The following ADGRL3 variants were observed in gnomAD, a reference collection of about 807,000 sequenced individuals.
ADGRL3 encodes the protein adhesion G protein-coupled receptor L3.
Under a neutral mutation model 153.5 loss-of-function variants are expected in ADGRL3, and 62 were observed. The ratio of observed to expected loss-of-function variants is 0.40; its 90% CI spans 0.33 to 0.50. The LOEUF is 0.50. Ranked by LOEUF, ADGRL3 falls within the 20% of genes least tolerant of loss-of-function variation. The probability of loss-of-function intolerance (pLI) is 0.47; values close to 1 mark genes in which losing one functional copy is unlikely to be tolerated. For missense variants in ADGRL3, 1,641 were observed against 1,859.4 expected (o/e 0.88, Z 2.16); for synonymous variants, 710 against 672.5 (o/e 1.06, Z -0.86).
intron 5 of ADGRL3, among the ~76,000 whole-genome samples, chr4:61,617,567 A>T (rs748407269): frequency 1.4e-4 from 21 of 152,300 alleles, no homozygotes; most frequent in Non-Finnish European, 2.5e-4. Context: ...TCCTGTAAGA[A>T]AAACACCTCT....
rs181350839 is a variant in ADGRL3 at position 61,512,695 on chromosome 4, A to T, written c.56-4620A>T. On this transcript the variant is annotated intron_variant, in intron 3 of 26. Coordinates refer to ENST00000683033, the MANE Select transcript of ADGRL3 (RefSeq NM_001387552.1). Reference sequence around the variant, plus strand: ...TTATGAAATGTGATTATCATTTTATATAGAGATAGAGAACTGTTTGGTAAA... The same window carrying T: ...TTATGAAATGTGATTATCATTTTATTTAGAGATAGAGAACTGTTTGGTAAA... 4.6e-5 allele frequency among the ~76,000 whole-genome samples: 7 copies of T among 152,268 alleles called. No homozygotes were observed. In the East Asian group the frequency reaches 1.2e-3, roughly 25 times the overall value.
chr4:61,899,267 C>G (rs1235277406), intron 11 of ADGRL3, among the ~76,000 whole-genome samples: 2 of 151,820 alleles, frequency 1.3e-5, no homozygotes, highest in Non-Finnish European at 2.9e-5. Flanking sequence ...TGCCCTTCAC[C>G]TCCCCTCTCC....
intron 2 of ADGRL3, among the ~76,000 whole-genome samples, chr4:61,391,766 A>AT (rs1011730479): frequency 1.0e-4 from 15 of 149,060 alleles, no homozygotes; most frequent in African/African-American, 3.0e-4. Context: ...GATTTTGTTA[A>AT]TTTTTTTAAC....
In ADGRL3 at chr4:61,944,936, C is replaced by T. The variant is rs1344884334; in HGVS notation, c.2420-1978C>T. Among the ~76,000 whole-genome samples the T allele has an allele frequency of 8.0e-5, 7 of 87,744 alleles. 2 individuals are homozygous for T. The South Asian group carries it at 4.2e-3, about 53-fold the overall frequency. The allele number at this position is 87,744 out of a possible 152,430, so 57.6% of individuals were successfully genotyped here. On this transcript the variant is annotated intron_variant, in intron 15 of 26. Coordinates refer to ENST00000683033, the MANE Select transcript of ADGRL3 (RefSeq NM_001387552.1). ...CGTCTGAAGCCTTCTTCTCTCAGCT[C>T]GTCAAAATCATTCTCCATCCAGCTT...
intron 6 of ADGRL3, among the ~76,000 whole-genome samples, chr4:61,711,144 A>G (rs914916916): frequency 1.7e-4 from 26 of 152,244 alleles, no homozygotes; most frequent in Non-Finnish European, 4.4e-5. Context: ...CTAATTGGAA[A>G]TACCATTTTG....
intron 2 of ADGRL3, among the ~76,000 whole-genome samples, chr4:61,490,406 A>C (rs1415730075): frequency 6.6e-6 from 1 of 151,886 alleles, no homozygotes; most frequent in Non-Finnish European, 1.5e-5. Flanking sequence ...TCTTTAATGC[A>C]GGAATTATGC....
At chr4:62,036,244 T>C (rs1445831705) in intron 23 of ADGRL3, among the ~76,000 whole-genome samples, 1 of 152,056 alleles carries the variant, frequency 6.6e-6, no homozygotes, top group Non-Finnish European at 1.5e-5. Flanking sequence ...TTCATTCTAT[T>C]CTTTATGGTG....
At chr4:61,267,440 A>G (rs984103088) in intron 1 of ADGRL3, among the ~76,000 whole-genome samples, 2 of 151,684 alleles carry the variant, frequency 1.3e-5, no homozygotes, top group Non-Finnish European at 3.0e-5. Context: ...TTCCACTACC[A>G]TGCTATATCA....
At chr4:61,203,008 C>T (rs1395043507) in intron 1 of ADGRL3, among the ~76,000 whole-genome samples, 4 of 152,320 alleles carry the variant, frequency 2.6e-5, no homozygotes, top group Non-Finnish European at 5.9e-5. Flanking sequence ...GGAAACCTTG[C>T]CGTGTCCCCT....
At chr4:61,419,295 C>T (rs2097176407) in intron 2 of ADGRL3, among the ~76,000 whole-genome samples, 1 of 150,834 alleles carries the variant, frequency 6.6e-6, no homozygotes, top group Non-Finnish European at 1.5e-5. Flanking sequence ...GACCAAAATA[C>T]TTCTAATATT....
chr4:61,335,878 A>G (rs1266349693), intron 1 of ADGRL3, among the ~76,000 whole-genome samples: 1 of 152,154 alleles, frequency 6.6e-6, no homozygotes, highest in Non-Finnish European at 1.5e-5. Context: ...TTTGAAACCC[A>G]GTATATCATT....
intron 21 of ADGRL3, among the ~76,000 whole-genome samples, chr4:62,027,588 C>A (rs934028063): frequency 6.6e-6 from 1 of 151,910 alleles, no homozygotes; most frequent in African/African-American, 2.4e-5. Context: ...TCATATTACT[C>A]CTGAAATATC....
chr4:61,788,396 C>T (rs554362993), intron 8 of ADGRL3, among the ~76,000 whole-genome samples: 5 of 152,186 alleles, frequency 3.3e-5, no homozygotes, highest in East Asian at 3.9e-4. Flanking sequence ...GCCCAGAACC[C>T]CGTAGCTCTG....
At chr4:61,902,796 C>T (rs1481977410) in intron 11 of ADGRL3, among the ~76,000 whole-genome samples, 1 of 152,140 alleles carries the variant, frequency 6.6e-6, no homozygotes, top group Non-Finnish European at 1.5e-5. Flanking sequence ...TAATCACATA[C>T]ACCAGGTTAA....
At chr4:61,855,230 A>G (rs59935243) in intron 9 of ADGRL3, among the ~76,000 whole-genome samples, 26,680 of 152,196 alleles carry the variant, frequency 0.18, 3,037 homozygotes, top group African/African-American at 0.32. Context: ...GGCTCTAGGG[A>G]AACCCCATGT....
chr4:61,467,294 C>A (rs963027254), intron 2 of ADGRL3, among the ~76,000 whole-genome samples: 2 of 151,970 alleles, frequency 1.3e-5, no homozygotes, highest in Non-Finnish European at 2.9e-5. Context: ...CCTTAAAGCA[C>A]GTGATAATAT....
At chr4:61,203,062 A>C (rs1464377989) in intron 1 of ADGRL3, among the ~76,000 whole-genome samples, 1 of 152,170 alleles carries the variant, frequency 6.6e-6, no homozygotes, top group African/African-American at 2.4e-5. Flanking sequence ...GCGGCGCGTG[A>C]GAGTCGCTGG....
intron 2 of ADGRL3, among the ~76,000 whole-genome samples, chr4:61,464,831 T>G (rs2097860717): frequency 6.6e-6 from 1 of 152,224 alleles, no homozygotes; most frequent in Non-Finnish European, 1.5e-5. Flanking sequence ...ATTTTCACTT[T>G]ACTGCCTCTT....
chr4:61,572,495 A>G (rs2098843138), intron 4 of ADGRL3, among the ~76,000 whole-genome samples: 1 of 152,138 alleles, frequency 6.6e-6, no homozygotes, highest in Admixed American at 6.6e-5. Flanking sequence ...AACATGAGAA[A>G]GGAAACACAA....
Sources: allele counts gnomAD v4.1 joint callset (sites outside exome capture counted in the v4.1 genomes callset), GRCh38; gene constraint gnomAD v4.1.1; transcripts MANE v1.5; gene names NCBI Gene and HGNC (gene_info 2026-07-23, HGNC 2026-07-21).